The following AMOT variants were observed in gnomAD, a reference collection of about 807,000 sequenced individuals.
AMOT encodes the protein angiomotin.
AMOT carries 11 observed loss-of-function variants against 67.0 expected under a neutral mutation model. The ratio of observed to expected loss-of-function variants is 0.16; its 90% CI spans 0.10 to 0.27. AMOT has a LOEUF of 0.27. Among genes scored for constraint, AMOT ranks in the 10% least tolerant of loss-of-function variants. The pLI, the probability that AMOT is intolerant of heterozygous loss-of-function variation, is 1.00. For synonymous variants in AMOT, 326 were observed against 321.4 expected, an observed-to-expected ratio of 1.01 and a Z score of -0.15; for missense variants, 753 against 852.0, an observed-to-expected ratio of 0.88 and a Z score of 1.45.
At chrX:112,780,831 T>C (rs1933130082) in intron 12 of AMOT, 55 bp downstream of exon 12, 1 of 1,125,529 alleles carries the variant, frequency 8.9e-7, no homozygotes, top group Non-Finnish European at 1.2e-6. Flanking sequence ...TGGGTGCTTA[T>C]CTCAGGGCTC....
At chrX:112,828,459 G>C (rs1934898136) in intron 2 of AMOT, among the ~76,000 whole-genome samples, 1 of 105,625 alleles carries the variant, frequency 9.5e-6, no homozygotes. Flanking sequence ...CACATAGTAA[G>C]GCCTCAATAA....
At position 112,822,299 on chromosome X, in the gene AMOT, C is replaced by T; in HGVS notation, c.828G>A (p.Gly276=). 8.9e-7 allele frequency: 1 copy of T among 1,118,160 alleles called. No homozygotes were observed. Among genetic ancestry groups the T allele is most frequent in the Non-Finnish European group, 1.2e-6 (1 of 848,527 alleles). The allele number at this position is 1,118,160 out of a possible 1,213,427, so 92.1% of individuals were successfully genotyped here. ...GGGGATGCTGATACCTCATCAGTTG[C>T]CCCTCTGTTCTCCCTGGCTGGTTCA... ...HRLNQPGRTE[G]QLMRYQHPPE... Residue 276 remains glycine, a synonymous_variant, in exon 4 of 14, where the codon GGG becomes GGA. Transcript: ENST00000371959.
chrX:112,838,618 A>G (rs1309407633), intron 1 of AMOT, among the ~76,000 whole-genome samples: 1 of 112,535 alleles, frequency 8.9e-6, no homozygotes, highest in Non-Finnish European at 1.9e-5. Flanking sequence ...AACTTCATAA[A>G]CCAGAAATGA....
chrX:112,799,307 A>G (rs1019936400), intron 8 of AMOT, among the ~76,000 whole-genome samples: 2 of 112,271 alleles, frequency 1.8e-5, no homozygotes, highest in Non-Finnish European at 3.8e-5. Flanking sequence ...AAACAAGAAA[A>G]TACAGATCAG....
chrX:112,833,568 GCA>G (rs1054768179), intron 1 of AMOT, among the ~76,000 whole-genome samples: 2 of 109,715 alleles, frequency 1.8e-5, no homozygotes, highest in African/African-American at 6.7e-5. Flanking sequence ...TCTCTCTCAG[GCA>G]CACACACATA....
chrX:112,789,778 A>C lies in AMOT; in HGVS notation c.2117+814T>G, dbSNP rs149467671. Among the ~76,000 whole-genome samples the C allele has an allele frequency of 3.9e-3, 429 of 109,696 alleles. 2 individuals are homozygous for C. Among genetic ancestry groups the C allele is most frequent in the African/African-American group, 0.013 (405 of 30,146 alleles). Reference sequence around the variant, plus strand: ...ATACTGTAGCCTGCCTTTCATACCCAATTCCAGACCAAGGCTCTGTTATCG... The same window carrying C: ...ATACTGTAGCCTGCCTTTCATACCCCATTCCAGACCAAGGCTCTGTTATCG... On this transcript the variant is annotated intron_variant, in intron 10 of 13. Coordinates refer to ENST00000371959, the MANE Select transcript of AMOT (RefSeq NM_001113490.2).
chrX:112,822,801 T>C lies in AMOT; in HGVS notation c.326A>G (p.Tyr109Cys), dbSNP rs777384131. Residue 109 changes from tyrosine to cysteine, a missense_variant, in exon 4 of 14, where the codon TAT becomes TGT. Tyr to Cys is a radical substitution (Grantham distance 194). Around this residue, in one of 5 missense-constraint regions of AMOT, gnomAD observed 118 missense variants for 125.9 expected, o/e 0.94. Transcript: ENST00000371959. ...CTGGGACTGGACCTTGGCTTCTTCA[T>C]AGGTCGGGAGTTCTTCATTATTTTG... is the stretch of plus-strand genomic sequence containing the variant. ...RMQNNEELPT[Y>C]EEAKVQSQYF... The C allele has an allele frequency of 8.6e-7, 1 of 1,167,168 alleles. No homozygotes were observed. Among genetic ancestry groups the C allele is most frequent in the African/African-American group, 1.8e-5 (1 of 56,051 alleles).
rs770694272 is a variant in AMOT at position 112,822,831 on chromosome X, C to T, written c.296G>A (p.Arg99Gln). Residue 99 changes from arginine to glutamine, a missense_variant, in exon 4 of 14, where the codon CGA becomes CAA. Arg to Gln is a conservative substitution (Grantham distance 43, BLOSUM62 1). Around this residue, in one of 5 missense-constraint regions of AMOT, gnomAD observed 118 missense variants for 125.9 expected, o/e 0.94. Transcript: ENST00000371959. ...NLIMEKQLSP[R>Q]MQNNEELPTY... ...CGGGAGTTCTTCATTATTTTGCATT[C>T]GAGGAGACAGCTGCTTCTCCATGAT... 5.1e-6 allele frequency: 6 copies of T among 1,167,416 alleles called. No individual in the cohort carries two copies. Among genetic ancestry groups the T allele is most frequent in the South Asian group, 1.9e-5 (1 of 52,621 alleles).
chrX:112,781,217 G>A (rs1933155379), intron 11 of AMOT, 99 bp from the exon 12 acceptor site: 18 of 777,051 alleles, frequency 2.3e-5, no homozygotes, highest in East Asian at 3.2e-5. Flanking sequence ...CGAGGTGGGC[G>A]GATTGCAAAG....
In AMOT at chrX:112,778,565, G is replaced by A. The variant is rs747101663; in HGVS notation, c.*2C>T. The stretch of plus-strand genomic sequence containing the variant: ...ATAATCTGCAGCTCTTGATTTGGCC[G>A]TTTAGATGAGATATTCCACCATCTC... On this transcript the variant is annotated 3_prime_UTR_variant, in exon 14 of 14. Transcript: ENST00000371959. 1.2e-5 allele frequency: 14 copies of A among 1,196,580 alleles called. No homozygotes were observed. The highest frequency in any genetic ancestry group is 3.0e-5 in the East Asian group (1 of 33,661).
At chrX:112,826,720 ATT>A (rs1934852362) in intron 2 of AMOT, among the ~76,000 whole-genome samples, 1 of 111,469 alleles carries the variant, frequency 9.0e-6, no homozygotes, top group African/African-American at 3.3e-5. Flanking sequence ...CTACCATATG[ATT>A]TTTTTCCAGT....
At chrX:112,795,246 C>G (rs1022291996) in intron 8 of AMOT, among the ~76,000 whole-genome samples, 108 of 93,064 alleles carry the variant, frequency 1.2e-3, no homozygotes, top group African/African-American at 4.4e-3. Flanking sequence ...CTGTCTCTCT[C>G]TCTGTGTGTG....
rs780728591 is a variant in AMOT, at chrX:112,782,536, T to C, written c.2240+4A>G. The C allele has an allele frequency of 1.3e-5, 16 of 1,209,467 alleles. No individual in the cohort carries two copies. The highest frequency in any genetic ancestry group is 2.2e-5 in the Admixed American group (1 of 45,694). ...ATTCCTCAGGGTCCAGAACAACATT[T>C]TACCTGCCCTCCATGTCAAGGCAAC... On this transcript the variant is annotated splice_donor_region_variant and intron_variant, in intron 11 of 13. Transcript: ENST00000371959.
Position 112,828,595 on chromosome X carries a change from AGTCTACTACACAGGG to A in AMOT, c.-211-3390_-211-3376del, listed in dbSNP as rs1307364651. ...AACAAAAAAACTTTATTTGCAACTC[AGTCTACTACACAGGG>A]GTCCTTAGATCATTGAAAGCCAGAA... On this transcript the variant is annotated intron_variant, in intron 2 of 13. Coordinates refer to ENST00000371959, the MANE Select transcript of AMOT (RefSeq NM_001113490.2). 2.7e-5 allele frequency among the ~76,000 whole-genome samples: 3 copies of A among 109,947 alleles called. No individual in the cohort carries two copies. The Admixed American group carries it at 2.9e-4, about 11-fold the overall frequency.
At chrX:112,780,165 T>C (rs1933099216) in intron 12 of AMOT, among the ~76,000 whole-genome samples, 1 of 112,379 alleles carries the variant, frequency 8.9e-6, no homozygotes, top group Non-Finnish European at 1.9e-5. Flanking sequence ...GTGGTAATAA[T>C]TGTGTGATCT....
Position 112,775,024 on chromosome X carries a change from G to A in AMOT, c.*3543C>T, listed in dbSNP as rs1259495737. 8.9e-6 allele frequency: 1 copy of A among 112,131 alleles called. No homozygotes were observed. The highest frequency in any genetic ancestry group is 1.9e-5 in the Non-Finnish European group (1 of 53,238). 9.2% of individuals were successfully genotyped at this position (112,131 alleles called of 1,213,427 possible). On this transcript the variant is annotated 3_prime_UTR_variant, in exon 14 of 14. Coordinates refer to ENST00000371959, the MANE Select transcript of AMOT (RefSeq NM_001113490.2). ...ACCACATACATTTTAAACCAAAGGC[G>A]ATTCTTCTCTAGCCATCTGCCAACC...
chrX:112,781,958 G>A (rs764494920), intron 11 of AMOT, among the ~76,000 whole-genome samples: 8 of 111,750 alleles, frequency 7.2e-5, no homozygotes, highest in Non-Finnish European at 1.5e-4. Context: ...GCATGATCTT[G>A]ACTCATTGCA....
At chrX:112,778,722 A>G in intron 13 of AMOT, 58 bp from the exon 14 acceptor site, 9 of 1,027,709 alleles carry the variant, frequency 8.8e-6, no homozygotes, top group Non-Finnish European at 1.2e-5. Flanking sequence ...CCATATTTCT[A>G]GAACCAGACA....
At position 112,779,116 on chromosome X, in the gene AMOT, G is replaced by A. The variant is rs764972866; in HGVS notation, c.3038C>T (p.Thr1013Ile). 13 of 1,139,367 alleles carry A rather than the reference G, an allele frequency of 1.1e-5. No individual in the cohort carries two copies. The South Asian group carries it at 2.3e-4, about 21-fold the overall frequency. The allele number at this position is 1,139,367 out of a possible 1,213,427, so 93.9% of individuals were successfully genotyped here. ...APTSAPAVAP[T>I]PAPTPTPAVA... Reference sequence around the variant, plus strand: ...AGCTGGAGTTGGAGTTGGAGCTGGAGTTGGAGCCACAGCCGGAGCTGAAGT... The same window carrying A: ...AGCTGGAGTTGGAGTTGGAGCTGGAATTGGAGCCACAGCCGGAGCTGAAGT... Residue 1013 changes from threonine (T) to isoleucine (I), a missense_variant, in exon 13 of 14, where the codon ACT (threonine) becomes ATT (isoleucine). This residue lies in a region of AMOT where 269 missense variants were observed against 300.9 expected (regional missense o/e 0.89). Coordinates refer to ENST00000371959, the MANE Select transcript of AMOT (RefSeq NM_001113490.2).
Sources: allele counts gnomAD v4.1 joint callset (sites outside exome capture counted in the v4.1 genomes callset), GRCh38; gene constraint gnomAD v4.1.1; regional missense constraint gnomAD v4.1.1; transcripts MANE v1.5; gene names NCBI Gene and HGNC (gene_info 2026-07-23, HGNC 2026-07-21).